DCHS1: variants seen among roughly 807,000 people sequenced by gnomAD.
DCHS1 encodes dachsous cadherin-related 1, also known as protocadherin-16.
Under a neutral mutation model 213.9 loss-of-function variants are expected in DCHS1, and 78 were observed. The ratio of observed to expected loss-of-function variants is 0.36; its 90% CI spans 0.30 to 0.44. The LOEUF is 0.44. DCHS1 is among the 20% of genes least tolerant of loss of function. The probability of loss-of-function intolerance (pLI) is 1.00; values close to 1 mark genes in which losing one functional copy is unlikely to be tolerated. For synonymous variants in DCHS1, 1,828 were observed against 1,873.7 expected, an observed-to-expected ratio of 0.98 and a Z score of 0.63; for missense variants, 3,946 against 4,395.9, an observed-to-expected ratio of 0.90 and a Z score of 2.89.
Position 6,633,575 on chromosome 11 carries a change from G to A in DCHS1, c.2292C>T (p.Asp764=), listed in dbSNP as rs148545496. ...SVVQLEIGAE[D]GGGLQAEPSA... ...TGGGTTCTGCCTGTAGGCCACCTCC[G>A]TCCTCAGCCCCGATCTCCAGCTGCA... The change falls in exon 5 of 21, where the codon GAC becomes GAT. Residue 764 remains aspartate (D), a synonymous_variant. Transcript: ENST00000299441. 182 of 1,593,572 alleles carry A rather than the reference G, an allele frequency of 1.1e-4. No individual in the cohort carries two copies. The highest frequency in any genetic ancestry group is 3.0e-4 in the East Asian group (13 of 43,734).
rs1031821369 is a variant in DCHS1 at position 6,634,229 on chromosome 11, T to A, written c.1875A>T (p.Gly625=). 6.2e-7 allele frequency: 1 copy of A among 1,613,830 alleles called. No homozygotes were observed. The highest frequency in any genetic ancestry group is 8.5e-7 in the Non-Finnish European group (1 of 1,179,820). The change falls in exon 3 of 21, where the codon GGA becomes GGT. Residue 625 remains glycine (G), a synonymous_variant. Transcript: ENST00000299441. ...GGGCATCAATGCGGAATGGGGGAGA[T>A]CCGGAGGACCCAAGTCCAGCACCCA... ...YSLGAGLGSS[G]SPPFRIDAHS...
At position 6,622,073 on chromosome 11, in the gene DCHS1, T is replaced by G. The variant is rs1589951223; in HGVS notation, c.9603A>C (p.Pro3201=). ...GGGCCACGGCAGTGATGAGGGGTGGTGGGTCGATACGGGGAGCTGGGGGAC... is the reference window on the plus strand; with the variant it reads ...GGGCCACGGCAGTGATGAGGGGTGGGGGGTCGATACGGGGAGCTGGGGGAC... ...RPCPPAPRID[P]PPLITAVAHP... is the part of the protein sequence containing the mutation. Residue 3201 remains proline, a synonymous_variant, in exon 21 of 21, where the codon CCA becomes CCC. Transcript: ENST00000299441. The surrounding 1 kb of genome is among the most constrained non-coding windows in gnomAD (Gnocchi z 5.4). 3 of 1,606,472 alleles carry G rather than the reference T, an allele frequency of 1.9e-6. No homozygotes were observed. Among genetic ancestry groups the G allele is most frequent in the Admixed American group, 1.7e-5 (1 of 59,534 alleles).
At chr11:6,642,349 G>A (rs1441843451) in intron 1 of DCHS1, among the ~76,000 whole-genome samples, 1 of 152,184 alleles carries the variant, frequency 6.6e-6, no homozygotes, top group African/African-American at 2.4e-5. Flanking sequence ...TTATAGTCCA[G>A]GAGTTGAACA....
In DCHS1 at chr11:6,622,686, G is replaced by A. The variant is rs1388507383; in HGVS notation, c.8990C>T (p.Pro2997Leu). 1.3e-6 allele frequency: 2 copies of A among 1,592,804 alleles called. No individual in the cohort carries two copies. The highest frequency in any genetic ancestry group is 1.3e-5 in the African/African-American group (1 of 74,532). The change falls in exon 21 of 21, where the codon CCA (proline) becomes CTA (leucine). Residue 2997 changes from proline to leucine, a missense_variant. Transcript: ENST00000299441. This position sits in a 1 kb window ranked among gnomAD's most constrained non-coding sequence, Gnocchi z 5.4. ...QKLGREPPSP[P>L]PSEHLYHQTL... ...CTGGTGATAGAGGTGCTCAGAGGGT[G>A]GTGGACTAGGTGGCTCCCGGCCCAG...
chr11:6,650,419 G>T (rs1159554701), intron 1 of DCHS1, among the ~76,000 whole-genome samples: 1 of 152,164 alleles, frequency 6.6e-6, no homozygotes, highest in Admixed American at 6.5e-5. Flanking sequence ...AAGGAAGGGG[G>T]GTCAGCAGGA....
chr11:6,624,207 G>A lies in DCHS1; in HGVS notation c.7469C>T (p.Ala2490Val). Residue 2490 changes from alanine to valine, a missense_variant, in exon 21 of 21, where the codon GCT becomes GTT. Physicochemically the swap from Ala to Val is moderately conservative, Grantham distance 64 (BLOSUM62 0). Around this residue, in one of 3 missense-constraint regions of DCHS1, gnomAD observed 3,384 missense variants for 3,780.1 expected, o/e 0.90. Transcript: ENST00000299441. Reference protein sequence around the residue: ...PSFTLSHYRVAVTEDLPPGST... With the variant: ...PSFTLSHYRVVVTEDLPPGST... ...GCCAGGGGGCAGGTCTTCAGTCACAGCCACACGGTAGTGTGACAATGTGAA... is the reference window on the plus strand; with the variant it reads ...GCCAGGGGGCAGGTCTTCAGTCACAACCACACGGTAGTGTGACAATGTGAA... The A allele has an allele frequency of 1.2e-6, 2 of 1,613,312 alleles. No individual in the cohort carries two copies. The highest frequency in any genetic ancestry group is 2.2e-5 in the South Asian group (2 of 91,032).
rs147748847 is a variant in DCHS1 at position 6,626,250 on chromosome 11, G to T, written c.6495C>A (p.Asn2165Lys). 6.2e-7 allele frequency: 1 copy of T among 1,612,608 alleles called. No individual in the cohort carries two copies. Among genetic ancestry groups the T allele is most frequent in the Admixed American group, 1.7e-5 (1 of 59,810 alleles). ...TVLTLTLQDA[N>K]DNAPRFLRPH... ...GCCGCAGGAAACGGGGAGCATTGTC[G>T]TTGGCATCTTGCAGGGTCAGGGTCA... Residue 2165 changes from asparagine (N) to lysine (K), a missense_variant, in exon 16 of 21, where the codon AAC (asparagine) becomes AAA (lysine). Asn to Lys is a moderately conservative substitution (Grantham distance 94). Coordinates refer to ENST00000299441, the MANE Select transcript of DCHS1 (RefSeq NM_003737.4). This position sits in a 1 kb window ranked among gnomAD's most constrained non-coding sequence, Gnocchi z 5.2.
chr11:6,653,303 T>C (rs1003796823), intron 1 of DCHS1, among the ~76,000 whole-genome samples: 1 of 152,184 alleles, frequency 6.6e-6, no homozygotes, highest in Non-Finnish European at 1.5e-5. Flanking sequence ...AGTTTAAGTT[T>C]AAATGCCACT....
At position 6,624,164 on chromosome 11, in the gene DCHS1, C is replaced by A. The variant is rs757422028; in HGVS notation, c.7512G>T (p.Leu2504=). The change falls in exon 21 of 21, where the codon CTG becomes CTT. Residue 2504 remains leucine, a synonymous_variant. Coordinates refer to ENST00000299441, the MANE Select transcript of DCHS1 (RefSeq NM_003737.4). ...DLPPGSTLLT[L]EATDADGSRS... ...GGCTTCCATCAGCATCTGTAGCCTCCAGGGTGAGCAGAGTGGAGCCAGGGG... is the reference window on the plus strand; with the variant it reads ...GGCTTCCATCAGCATCTGTAGCCTCAAGGGTGAGCAGAGTGGAGCCAGGGG... 1.9e-6 allele frequency: 3 copies of A among 1,612,946 alleles called. No homozygotes were observed. The highest frequency in any genetic ancestry group is 2.5e-6 in the Non-Finnish European group (3 of 1,179,572).
At position 6,627,330 on chromosome 11, in the gene DCHS1, C is replaced by A. The variant is rs772448680; in HGVS notation, c.5709G>T (p.Leu1903=). The A allele has an allele frequency of 6.2e-7, 1 of 1,609,898 alleles. No homozygotes were observed. The highest frequency in any genetic ancestry group is 8.5e-7 in the Non-Finnish European group (1 of 1,178,180). The part of the protein sequence containing the change: ...YLGAGTAGAF[L]LEPSSGELRT... ...GCAGTTCTCCAGAGCTGGGCTCCAG[C>A]AGGAAGGCTCCTGCTGTACCGGCGC... The change falls in exon 14 of 21, where the codon CTG becomes CTT. Residue 1903 remains leucine, a synonymous_variant. Transcript: ENST00000299441. The surrounding 1 kb of genome is among the most constrained non-coding windows in gnomAD (Gnocchi z 5.4).
In DCHS1 at chr11:6,628,258, T is replaced by C. The variant is rs1308264512; in HGVS notation, c.5371+363A>G. On this transcript the variant is annotated intron_variant, in intron 13 of 20. Coordinates refer to ENST00000299441, the MANE Select transcript of DCHS1 (RefSeq NM_003737.4). The surrounding 1 kb of genome is among the most constrained non-coding windows in gnomAD (Gnocchi z 4.3). ...CTTGTTTCACAATCATATTTTAACA[T>C]CATCTCAGTTTTATTATCTAATACA... Among the ~76,000 whole-genome samples the C allele has an allele frequency of 1.3e-5, 2 of 152,240 alleles. No homozygotes were observed. The highest frequency in any genetic ancestry group is 2.9e-5 in the Non-Finnish European group (2 of 68,046).
Position 6,641,269 on chromosome 11 carries a change from G to A in DCHS1, c.345C>T (p.Tyr115=). ...RVLDREQRDR[Y]RFTAVTPDGA... is the part of the protein sequence containing the mutation. ...CATCAGGAGTGACTGCAGTGAAGCG[G>A]TAGCGGTCCCGCTGCTCACGGTCCA... The change falls in exon 2 of 21, where the codon TAC becomes TAT. Residue 115 remains tyrosine (Y), a synonymous_variant. Coordinates refer to ENST00000299441, the MANE Select transcript of DCHS1 (RefSeq NM_003737.4). This position sits in a 1 kb window ranked among gnomAD's most constrained non-coding sequence, Gnocchi z 7.1. 1 of 1,613,728 alleles carries A rather than the reference G, an allele frequency of 6.2e-7. No homozygotes were observed.
chr11:6,629,541 C>T lies in DCHS1; in HGVS notation c.5072G>A (p.Ser1691Asn). 6.2e-7 allele frequency: 1 copy of T among 1,613,584 alleles called. No homozygotes were observed. The highest frequency in any genetic ancestry group is 8.5e-7 in the Non-Finnish European group (1 of 1,179,710). Residue 1691 changes from serine to asparagine, a missense_variant, in exon 12 of 21, where the codon AGC becomes AAC. This residue lies in a region of DCHS1 where 3,384 missense variants were observed against 3,780.1 expected (regional missense o/e 0.90). Transcript: ENST00000299441. ...NGQVTYGGVS[S>N]ESFSLDPDTG... Reference sequence around the variant, plus strand: ...GTCAGGATCCAGAGAAAAGCTTTCGCTAGAGACGCCTCCATAAGTCACTTG... The same window carrying T: ...GTCAGGATCCAGAGAAAAGCTTTCGTTAGAGACGCCTCCATAAGTCACTTG...
In DCHS1 at chr11:6,640,607, T is replaced by A; in HGVS notation, c.1007A>T (p.Asp336Val). ...RVHELVVQAR[D>V]GGAHPELGSA... ...GCCCAGCTCAGGGTGAGCCCCACCA[T>A]CTCGTGCTTGCACCACCAGTTCATG... Residue 336 changes from aspartate to valine, a missense_variant, in exon 2 of 21, where the codon GAT becomes GTT. Around this residue, in one of 3 missense-constraint regions of DCHS1, gnomAD observed 3,384 missense variants for 3,780.1 expected, o/e 0.90. Coordinates refer to ENST00000299441, the MANE Select transcript of DCHS1 (RefSeq NM_003737.4). The surrounding 1 kb of genome is among the most constrained non-coding windows in gnomAD (Gnocchi z 6.5). 6.2e-7 allele frequency: 1 copy of A among 1,609,026 alleles called. No homozygotes were observed. Among genetic ancestry groups the A allele is most frequent in the Non-Finnish European group, 8.5e-7 (1 of 1,179,822 alleles).
At chr11:6,644,638 T>C (rs547629297) in intron 1 of DCHS1, among the ~76,000 whole-genome samples, 58 of 152,356 alleles carry the variant, frequency 3.8e-4, no homozygotes, top group African/African-American at 1.3e-3. Context: ...AGGTCTTGGT[T>C]AGCCTCTTGA....
In DCHS1 at chr11:6,625,760, T is replaced by G; in HGVS notation, c.6732-33A>C. 1 of 1,596,060 alleles carries G rather than the reference T, an allele frequency of 6.3e-7. No individual in the cohort carries two copies. The highest frequency in any genetic ancestry group is 1.1e-5 in the South Asian group (1 of 89,330). On this transcript the variant is annotated intron_variant, in intron 17 of 20. Transcript: ENST00000299441. This position sits in a 1 kb window ranked among gnomAD's most constrained non-coding sequence, Gnocchi z 5.3. The stretch of plus-strand genomic sequence containing the variant: ...CAAAGCACAATCATCGGGTGGGACA[T>G]GGCAATAAGGGGGAACTCTGGGCAG...
Position 6,621,757 on chromosome 11 carries a change from C to A in DCHS1, c.*22G>T. ...TGGGGACACTGTGCGCATCCCAGGT[C>A]GGGGCCCAGCCTGGGCCACAGCTAG... On this transcript the variant is annotated 3_prime_UTR_variant, in exon 21 of 21. Transcript: ENST00000299441. 1 of 1,557,126 alleles carries A rather than the reference C, an allele frequency of 6.4e-7. No homozygotes were observed. Among genetic ancestry groups the A allele is most frequent in the South Asian group, 1.2e-5 (1 of 84,756 alleles).
Position 6,627,638 on chromosome 11 carries a change from C to G in DCHS1, c.5401G>C (p.Asp1801His). Reference sequence around the variant, plus strand: ...GTGCCAAACTCTCCAGAAGCAAGGTCTAGGACAAAGGCTCCTGATGGGTCC... The same window carrying G: ...GTGCCAAACTCTCCAGAAGCAAGGTGTAGGACAAAGGCTCCTGATGGGTCC... ...DGDPSGAFVL[D>H]LASGEFGTMR... The change falls in exon 14 of 21, where the codon GAC becomes CAC. Residue 1801 changes from aspartate (D) to histidine (H), a missense_variant. Asp to His is a moderately conservative substitution (Grantham distance 81, BLOSUM62 -1). This residue lies in a region of DCHS1 where 3,384 missense variants were observed against 3,780.1 expected (regional missense o/e 0.90). Transcript: ENST00000299441. The surrounding 1 kb of genome is among the most constrained non-coding windows in gnomAD (Gnocchi z 5.4). 1 of 1,613,194 alleles carries G rather than the reference C, an allele frequency of 6.2e-7. No individual in the cohort carries two copies. The highest frequency in any genetic ancestry group is 8.5e-7 in the Non-Finnish European group (1 of 1,179,744).
chr11:6,648,410 G>C (rs933246367), intron 1 of DCHS1, among the ~76,000 whole-genome samples: 11 of 152,218 alleles, frequency 7.2e-5, no homozygotes, highest in Non-Finnish European at 1.3e-4. Flanking sequence ...ATTCAAGTAA[G>C]ATAAGGGCTG....
Sources: allele counts gnomAD v4.1 joint callset (sites outside exome capture counted in the v4.1 genomes callset), GRCh38; gene constraint gnomAD v4.1.1; regional missense constraint gnomAD v4.1.1; non-coding constraint Gnocchi (gnomAD v3.1); transcripts MANE v1.5; gene names NCBI Gene and HGNC (gene_info 2026-07-23, HGNC 2026-07-21).